TMEM108: variants seen among roughly 807,000 people sequenced by gnomAD.
The protein encoded by TMEM108 is cancer/testis antigen 124.
A neutral mutation model predicts 35.1 loss-of-function variants in TMEM108; 12 were observed. The ratio of observed to expected loss-of-function variants is 0.34; its 90% confidence interval spans 0.22 to 0.55. The LOEUF (loss-of-function observed/expected upper bound fraction) is 0.55. TMEM108 is among the 20% of genes least tolerant of loss of function. The probability of loss-of-function intolerance (pLI) is 0.89; values close to 1 mark genes in which losing one functional copy is unlikely to be tolerated. For synonymous variants in TMEM108, 287 were observed against 308.6 expected (o/e 0.93, Z 0.73); for missense variants, 680 against 753.3 (o/e 0.90, Z 1.14).
chr3:133,151,827 A>G (rs936734323), intron 2 of TMEM108, among the ~76,000 whole-genome samples: 6 of 152,198 alleles, frequency 3.9e-5, no homozygotes, highest in African/African-American at 1.4e-4. Context: ...TAAATTAAGT[A>G]GAGGTTTATT....
intron 3 of TMEM108, among the ~76,000 whole-genome samples, chr3:133,259,337 A>G (rs1314578685): frequency 2.0e-5 from 3 of 152,164 alleles, no homozygotes; most frequent in Non-Finnish European, 2.9e-5. Flanking sequence ...TTTCCTATGA[A>G]TGCTTGAGGA....
chr3:133,320,696 T>C (rs1290262490), intron 3 of TMEM108, among the ~76,000 whole-genome samples: 1 of 151,986 alleles, frequency 6.6e-6, no homozygotes, highest in Non-Finnish European at 1.5e-5. Flanking sequence ...CACAAAAAGG[T>C]CATCACCCAG....
chr3:133,362,054 A>G (rs2072366139), intron 3 of TMEM108, among the ~76,000 whole-genome samples: 1 of 152,122 alleles, frequency 6.6e-6, no homozygotes, highest in African/African-American at 2.4e-5. Flanking sequence ...TATTAGTGCT[A>G]TTGCCAGTAA....
In TMEM108 at chr3:133,061,356, G is replaced by A. The variant is rs569621008; in HGVS notation, c.-47+15336G>A. Among the ~76,000 whole-genome samples the A allele has an allele frequency of 6.6e-5, 10 of 151,918 alleles. No homozygotes were observed. The East Asian group carries it at 1.2e-3, about 18-fold the overall frequency. ...CTCCCAAGCAGCTGGGACTACAGGC[G>A]CCCGCCACCACACCCAGCTAAATTT... On this transcript the variant is annotated intron_variant, in intron 2 of 5. Transcript: ENST00000321871.
intron 3 of TMEM108, among the ~76,000 whole-genome samples, chr3:133,271,135 AC>A (rs945824549): frequency 6.6e-6 from 1 of 152,038 alleles, no homozygotes; most frequent in African/African-American, 2.4e-5. Flanking sequence ...TTCCCCCAAC[AC>A]CATGCCCTCC....
At chr3:133,283,169 A>C (rs1946938855) in intron 3 of TMEM108, among the ~76,000 whole-genome samples, 1 of 152,254 alleles carries the variant, frequency 6.6e-6, no homozygotes, top group Non-Finnish European at 1.5e-5. Flanking sequence ...ATTTTTAAAT[A>C]GGATTTTTGT....
chr3:133,048,213 A>G (rs1576290909), intron 2 of TMEM108, among the ~76,000 whole-genome samples: 1 of 152,230 alleles, frequency 6.6e-6, no homozygotes, highest in African/African-American at 2.4e-5. Flanking sequence ...TAATTAGACC[A>G]AAGGACATAA....
intron 3 of TMEM108, among the ~76,000 whole-genome samples, chr3:133,296,797 GAA>G (rs1252080778): frequency 2.6e-5 from 4 of 152,174 alleles, no homozygotes; most frequent in African/African-American, 9.7e-5. Context: ...ATGACTGTCA[GAA>G]ATTAGGTTAG....
At chr3:133,360,007 T>TAAAAA (rs59374214) in intron 3 of TMEM108, among the ~76,000 whole-genome samples, 9 of 112,860 alleles carry the variant, frequency 8.0e-5, no homozygotes, top group African/African-American at 1.1e-4. Flanking sequence ...ACTCAACAGT[T>TAAAAA]AAAAAAAAAA....
chr3:133,343,870 C>T (rs1054574875), intron 3 of TMEM108, among the ~76,000 whole-genome samples: 2 of 151,898 alleles, frequency 1.3e-5, no homozygotes, highest in African/African-American at 4.8e-5. Context: ...CAGGGTTGGA[C>T]TGCAGACTGG....
At chr3:133,296,350 G>T (rs1947145170) in intron 3 of TMEM108, among the ~76,000 whole-genome samples, 1 of 152,120 alleles carries the variant, frequency 6.6e-6, no homozygotes, top group African/African-American at 2.4e-5. Context: ...AATAACATTT[G>T]CATTCTTAAA....
At chr3:133,196,521 A>G (rs1945579937) in intron 2 of TMEM108, among the ~76,000 whole-genome samples, 1 of 152,222 alleles carries the variant, frequency 6.6e-6, no homozygotes, top group Non-Finnish European at 1.5e-5. Flanking sequence ...ATAAATTTAC[A>G]TGTTTATACC....
chr3:133,239,863 G>A (rs1184300857), intron 3 of TMEM108, among the ~76,000 whole-genome samples: 1 of 152,226 alleles, frequency 6.6e-6, no homozygotes, highest in Non-Finnish European at 1.5e-5. Context: ...GAGAGAAGGT[G>A]ACAGAGAAGG....
intron 2 of TMEM108, among the ~76,000 whole-genome samples, chr3:133,184,589 A>G (rs562921939): frequency 1.3e-5 from 2 of 152,336 alleles, no homozygotes; most frequent in African/African-American, 2.4e-5. Context: ...AATTAAGTCT[A>G]TTCAAATCAT....
Position 133,185,221 on chromosome 3 carries a change from C to T in TMEM108, c.-46-44045C>T, listed in dbSNP as rs372304542. On this transcript the variant is annotated intron_variant, in intron 2 of 5. Coordinates refer to ENST00000321871, the MANE Select transcript of TMEM108 (RefSeq NM_023943.4). ...GAAAGCTTGCTTCCTGCCACAAATTCTCCAGAAGTGTCTCTGCTCTGAAAA... is the reference window on the plus strand; with the variant it reads ...GAAAGCTTGCTTCCTGCCACAAATTTTCCAGAAGTGTCTCTGCTCTGAAAA... Among the ~76,000 whole-genome samples, 14 of 152,224 alleles carry T rather than the reference C, an allele frequency of 9.2e-5. No homozygotes were observed. The East Asian group carries it at 1.2e-3, about 13-fold the overall frequency.
chr3:133,283,357 A>G (rs1946941985), intron 3 of TMEM108, among the ~76,000 whole-genome samples: 1 of 152,174 alleles, frequency 6.6e-6, no homozygotes, highest in Admixed American at 6.5e-5. Flanking sequence ...GGAAATAACC[A>G]TGTATTCCAT....
intron 2 of TMEM108, among the ~76,000 whole-genome samples, chr3:133,221,189 T>C (rs940112580): frequency 2.6e-5 from 4 of 152,160 alleles, no homozygotes; most frequent in African/African-American, 9.7e-5. Context: ...CTCTCTTCTC[T>C]CTGGAGAATG....
chr3:133,312,295 A>G (rs936700199), intron 3 of TMEM108, among the ~76,000 whole-genome samples: 3 of 152,250 alleles, frequency 2.0e-5, no homozygotes, highest in Admixed American at 6.5e-5. Context: ...TTAAGTCTGC[A>G]GAAGTTTCTG....
intron 2 of TMEM108, among the ~76,000 whole-genome samples, chr3:133,130,385 C>T (rs532644443): frequency 6.6e-6 from 1 of 152,308 alleles, no homozygotes; most frequent in Non-Finnish European, 1.5e-5. Context: ...GCTGGGTTGG[C>T]CTAGAGGCTG....
Sources: allele counts gnomAD v4.1 joint callset (sites outside exome capture counted in the v4.1 genomes callset), GRCh38; gene constraint gnomAD v4.1.1; transcripts MANE v1.5; gene names NCBI Gene and HGNC (gene_info 2026-07-23, HGNC 2026-07-21).